Variants in NAA35 observed in about 807,000 individuals in gnomAD.
NAA35 encodes N-alpha-acetyltransferase 35, NatC auxiliary subunit, also known as MAK10 homolog, amino-acid N-acetyltransferase subunit.
In NAA35, 18 loss-of-function variants were observed where a neutral mutation model predicts 101.7. The ratio of observed to expected loss-of-function variants is 0.18; its 90% CI spans 0.12 to 0.26. The LOEUF is 0.26. Among genes scored for constraint, NAA35 ranks in the 10% least tolerant of loss-of-function variants. The pLI is 1.00. For synonymous variants in NAA35, 267 were observed against 273.1 expected, an observed-to-expected ratio of 0.98 and a Z score of 0.22; for missense variants, 601 against 886.8, an observed-to-expected ratio of 0.68 and a Z score of 4.09.
In NAA35 at chr9:86,023,609, C is replaced by A. The variant is rs75862125; in HGVS notation, c.*1649C>A. Among the ~76,000 whole-genome samples the A allele has an allele frequency of 2.0e-5, 3 of 152,272 alleles. No individual in the cohort carries two copies. The South Asian group carries it at 6.2e-4, about 32-fold the overall frequency. The stretch of plus-strand genomic sequence containing the variant: ...AAAAAAGGAATGTAGATTAATGCAA[C>A]AAGGGCCCTGCTAGATGATGGGATC... On this transcript the variant is annotated 3_prime_UTR_variant, in exon 23 of 23. Coordinates refer to ENST00000361671, the MANE Select transcript of NAA35 (RefSeq NM_024635.4).
intron 4 of NAA35, among the ~76,000 whole-genome samples, chr9:85,959,068 A>G (rs1282392320): frequency 1.3e-5 from 2 of 152,166 alleles, no homozygotes; most frequent in African/African-American, 4.8e-5. Flanking sequence ...AACTTAAGTG[A>G]AGCATTTTAA....
At chr9:85,965,327 A>G (rs1014093379) in intron 6 of NAA35, among the ~76,000 whole-genome samples, 6 of 152,204 alleles carry the variant, frequency 3.9e-5, no homozygotes, top group African/African-American at 1.2e-4. Context: ...CATTCATACA[A>G]TCAAGTGCTT....
At chr9:85,949,266 T>C (rs1385017205) in intron 2 of NAA35, among the ~76,000 whole-genome samples, 3 of 151,926 alleles carry the variant, frequency 2.0e-5, no homozygotes, top group Non-Finnish European at 2.9e-5. Context: ...TTTTTTCTTA[T>C]CCTTTCTTCC....
chr9:86,018,342 G>T lies in NAA35; in HGVS notation c.1861G>T (p.Ala621Ser). ...SEQVRYEHRF[A>S]PFNSVMTPPP... ...ACAAGTTCGGTATGAACACAGGTTTGCTCCATTCAACAGTGTGATGACCCC... is the reference window on the plus strand; with the variant it reads ...ACAAGTTCGGTATGAACACAGGTTTTCTCCATTCAACAGTGTGATGACCCC... Residue 621 changes from alanine to serine, a missense_variant, in exon 20 of 23, where the codon GCT (alanine) becomes TCT (serine). Physicochemically the swap from Ala to Ser is moderately conservative, Grantham distance 99. Around this residue, in one of 8 missense-constraint regions of NAA35, gnomAD observed 90 missense variants for 108.7 expected, o/e 0.83. Transcript: ENST00000361671. 1 of 1,614,000 alleles carries T rather than the reference G, an allele frequency of 6.2e-7. No homozygotes were observed. Among genetic ancestry groups the T allele is most frequent in the Non-Finnish European group, 8.5e-7 (1 of 1,179,924 alleles).
Position 85,996,391 on chromosome 9 carries a change from C to A in NAA35, c.878-8C>A. On this transcript the variant is annotated splice_polypyrimidine_tract_variant and splice_region_variant and intron_variant, in intron 11 of 22. Coordinates refer to ENST00000361671, the MANE Select transcript of NAA35 (RefSeq NM_024635.4). ...TGAAAAATTTTACTTTCATTTTTTTCTTTTTAGATCATCCAATTATGATGG... is the reference window on the plus strand; with the variant it reads ...TGAAAAATTTTACTTTCATTTTTTTATTTTTAGATCATCCAATTATGATGG... The A allele has an allele frequency of 1.9e-6, 3 of 1,547,220 alleles. No homozygotes were observed. The highest frequency in any genetic ancestry group is 2.8e-5 in the African/African-American group (2 of 70,884).
chr9:85,948,929 G>A (rs879114197), intron 2 of NAA35, among the ~76,000 whole-genome samples: 9 of 151,860 alleles, frequency 5.9e-5, no homozygotes, highest in African/African-American at 2.2e-4. Flanking sequence ...GCTAATCTTT[G>A]TATTTTTAGT....
At position 85,978,297 on chromosome 9, in the gene NAA35, A is replaced by G. The variant is rs763613794; in HGVS notation, c.793A>G (p.Met265Val). The G allele has an allele frequency of 4.3e-5, 70 of 1,613,122 alleles. No homozygotes were observed. Among genetic ancestry groups the G allele is most frequent in the Non-Finnish European group, 5.9e-5 (70 of 1,179,340 alleles). The change falls in exon 11 of 23, where the codon ATG becomes GTG. Residue 265 changes from methionine (M) to valine (V), a missense_variant. Met to Val is a conservative substitution (Grantham distance 21, BLOSUM62 1). Coordinates refer to ENST00000361671, the MANE Select transcript of NAA35 (RefSeq NM_024635.4). ...TSAVAEAQKL[M>V]VQAADLLSAI... ...TGCTGTTGCAGAAGCTCAAAAATTGATGGTTCAAGCAGCAGATCTTCTTTC... is the reference window on the plus strand; with the variant it reads ...TGCTGTTGCAGAAGCTCAAAAATTGGTGGTTCAAGCAGCAGATCTTCTTTC...
At position 85,942,171 on chromosome 9, in the gene NAA35, A is replaced by G. The variant is rs112721403; in HGVS notation, c.12A>G (p.Lys4=). Residue 4 remains lysine, a synonymous_variant, in exon 2 of 23, where the codon AAA becomes AAG. Coordinates refer to ENST00000361671, the MANE Select transcript of NAA35 (RefSeq NM_024635.4). ...ATTTTACAGGCATAATGGTTATGAA[A>G]GCTTCTGTAGATGATGACGATTCAG... MVM[K]ASVDDDDSGW... 1 of 1,613,930 alleles carries G rather than the reference A, an allele frequency of 6.2e-7. No homozygotes were observed.
intron 2 of NAA35, among the ~76,000 whole-genome samples, chr9:85,946,643 C>T (rs1401066387): frequency 2.0e-5 from 3 of 151,576 alleles, no homozygotes; most frequent in South Asian, 2.1e-4. Context: ...AACACAAATT[C>T]GTAAACTTTC....
chr9:85,941,726 C>G, intron 1 of NAA35: 1 of 987,136 alleles, frequency 1.0e-6, no homozygotes, highest in Non-Finnish European at 1.2e-6. Context: ...TCCCAGCGAG[C>G]TCTGGCCAGA....
intron 12 of NAA35, among the ~76,000 whole-genome samples, chr9:86,001,805 G>A (rs1002900176): frequency 3.9e-5 from 6 of 152,220 alleles, no homozygotes; most frequent in Non-Finnish European, 7.4e-5. Context: ...ACATCAGTAC[G>A]TCTTGCTTTT....
chr9:85,980,010 T>G (rs1443262295), intron 11 of NAA35, among the ~76,000 whole-genome samples: 5 of 152,166 alleles, frequency 3.3e-5, no homozygotes, highest in Non-Finnish European at 7.3e-5. Context: ...TAAGTTGGGA[T>G]TCCCACGACT....
chr9:85,990,815 T>C (rs550145232), intron 11 of NAA35, among the ~76,000 whole-genome samples: 68 of 152,260 alleles, frequency 4.5e-4, no homozygotes, highest in African/African-American at 1.6e-3. Flanking sequence ...TGTAACCATG[T>C]GGGTAGGTGG....
rs1428750125 is a variant in NAA35, at chr9:86,025,076, C to CT, written c.*3117dup. Among the ~76,000 whole-genome samples the CT allele has an allele frequency of 5.9e-5, 9 of 152,110 alleles. No homozygotes were observed. Among genetic ancestry groups the CT allele is most frequent in the Non-Finnish European group, 1.3e-4 (9 of 68,036 alleles). ...TTCACCGTTTTGTTTGCACAAGACT[C>CT]TAAGACAGTATACTGCCTTAAATAA... On this transcript the variant is annotated 3_prime_UTR_variant, in exon 23 of 23. Transcript: ENST00000361671.
At chr9:85,978,196 G>T in intron 10 of NAA35, 71 bp from the exon 11 acceptor site, 1 of 928,222 alleles carries the variant, frequency 1.1e-6, no homozygotes, top group Non-Finnish European at 1.8e-6. Context: ...TTGTTTATAG[G>T]ATTTTCCTAT....
intron 11 of NAA35, among the ~76,000 whole-genome samples, chr9:85,984,497 A>G (rs1830567575): frequency 6.6e-6 from 1 of 152,226 alleles, no homozygotes; most frequent in Non-Finnish European, 1.5e-5. Context: ...AGTGGCAACA[A>G]ATGGAAGATC....
chr9:85,992,449 A>T (rs947990385), intron 11 of NAA35, among the ~76,000 whole-genome samples: 9 of 152,202 alleles, frequency 5.9e-5, no homozygotes, highest in Admixed American at 3.9e-4. Flanking sequence ...GAAAGGGAGT[A>T]ACTACAATGA....
Position 86,018,756 on chromosome 9 carries a change from G to T in NAA35, c.1972G>T (p.Ala658Ser). 1 of 1,614,044 alleles carries T rather than the reference G, an allele frequency of 6.2e-7. No individual in the cohort carries two copies. Among genetic ancestry groups the T allele is most frequent in the East Asian group, 2.2e-5 (1 of 44,866 alleles). The change falls in exon 21 of 23, where the codon GCA becomes TCA. Residue 658 changes from alanine (A) to serine (S), a missense_variant. This residue lies in a region of NAA35 where 90 missense variants were observed against 108.7 expected (regional missense o/e 0.83). Coordinates refer to ENST00000361671, the MANE Select transcript of NAA35 (RefSeq NM_024635.4). ...PPPQSPELYV[A>S]ASKHFQQAKM... ...TCCTCAGTCTCCTGAACTGTATGTG[G>T]CAGCTAGTAAGCACTTTCAACAGGC...
intron 11 of NAA35, among the ~76,000 whole-genome samples, chr9:85,990,657 T>C (rs111957981): frequency 6.8e-4 from 103 of 152,354 alleles, no homozygotes; most frequent in African/African-American, 2.3e-3. Flanking sequence ...TGCTCTTCTT[T>C]CCTTCTCTTC....
Sources: allele counts gnomAD v4.1 joint callset (sites outside exome capture counted in the v4.1 genomes callset), GRCh38; gene constraint gnomAD v4.1.1; regional missense constraint gnomAD v4.1.1; transcripts MANE v1.5; gene names NCBI Gene and HGNC (gene_info 2026-07-23, HGNC 2026-07-21).